The following SRGAP2 variants were observed in gnomAD, a reference collection of about 807,000 sequenced individuals.
SRGAP2 encodes SLIT-ROBO Rho GTPase activating protein 2.
A neutral mutation model predicts 57.2 loss-of-function variants in SRGAP2; 15 were observed. That is an observed-to-expected ratio of 0.26 (90% confidence interval 0.18 to 0.40). The LOEUF (loss-of-function observed/expected upper bound fraction) is 0.40. SRGAP2 is among the 10% of genes least tolerant of loss of function. The probability of loss-of-function intolerance (pLI) is 1.00; values close to 1 mark genes in which losing one functional copy is unlikely to be tolerated. For missense variants in SRGAP2, 520 were observed against 669.6 expected, an observed-to-expected ratio of 0.78 and a Z score of 2.47; for synonymous variants, 249 against 248.0, an observed-to-expected ratio of 1.00 and a Z score of -0.04.
At chr1:206,305,906 G>A (rs1395916235) in intron 3 of SRGAP2, among the ~76,000 whole-genome samples, 3 of 151,796 alleles carry the variant, frequency 2.0e-5, no homozygotes, top group African/African-American at 4.9e-5. Flanking sequence ...TCTTTCCCAA[G>A]TCTTATTCTC....
At chr1:206,375,929 A>G (rs2103040331) in intron 4 of SRGAP2, among the ~76,000 whole-genome samples, 1 of 151,064 alleles carries the variant, frequency 6.6e-6, no homozygotes, top group African/African-American at 2.4e-5. Flanking sequence ...CCGTAAGGAA[A>G]TGGCTTTCAG....
intron 21 of SRGAP2, chr1:206,455,646 C>G (rs1663769522): frequency 6.5e-6 from 1 of 153,410 alleles, no homozygotes. Context: ...TTCTTCTGCC[C>G]TTTCACACCA....
intron 17 of SRGAP2, among the ~76,000 whole-genome samples, chr1:206,441,937 A>G (rs1553372190): frequency 6.6e-6 from 1 of 152,234 alleles, no homozygotes. Context: ...CCATGAATCT[A>G]TCAGAGTAGG....
chr1:206,416,963 G>A (rs12746707), intron 11 of SRGAP2, among the ~76,000 whole-genome samples: 7,307 of 152,158 alleles, frequency 0.048, 445 homozygotes, highest in African/African-American at 0.14. Context: ...ATACTCCTTG[G>A]CTCATTGGCC....
intron 10 of SRGAP2, among the ~76,000 whole-genome samples, chr1:206,410,849 T>C (rs1404726761): frequency 6.6e-6 from 1 of 152,180 alleles, no homozygotes; most frequent in Non-Finnish European, 1.5e-5. Flanking sequence ...AAGGCTGGCA[T>C]TTTCCTAAGT....
chr1:206,363,931 T>C (rs2103000237), intron 4 of SRGAP2, among the ~76,000 whole-genome samples: 1 of 152,244 alleles, frequency 6.6e-6, no homozygotes, highest in African/African-American at 2.4e-5. Flanking sequence ...CTATTTCTCC[T>C]CATCTTTTGC....
At chr1:206,439,790 T>C (rs1285063795) in intron 16 of SRGAP2, among the ~76,000 whole-genome samples, 186 bp from the exon 17 acceptor site, 4 of 152,256 alleles carry the variant, frequency 2.6e-5, no homozygotes, top group African/African-American at 9.6e-5. Flanking sequence ...GCCCAGCAGG[T>C]GCCCTCTTCT....
rs113362319 is a variant in SRGAP2 at position 206,409,962 on chromosome 1, G to A, written c.1356+3388G>A. ...AAAAACACAAAAAAATTAGCTGGGC[G>A]TGGTGGCGCATGCCTGTAATCCCAG... On this transcript the variant is annotated intron_variant, in intron 10 of 22. Transcript: ENST00000573034. Among the ~76,000 whole-genome samples, 479 of 152,214 alleles carry A rather than the reference G, an allele frequency of 3.1e-3. 2 individuals carry two copies. Among genetic ancestry groups the A allele is most frequent in the African/African-American group, 0.011 (464 of 41,524 alleles).
intron 18 of SRGAP2, among the ~76,000 whole-genome samples, chr1:206,447,003 G>A (rs1662811687): frequency 6.6e-6 from 1 of 152,186 alleles, no homozygotes; most frequent in African/African-American, 2.4e-5. Flanking sequence ...AGAAAGGCCA[G>A]TGACAGTATT....
chr1:206,421,805 TC>T (rs2103250231), intron 13 of SRGAP2, among the ~76,000 whole-genome samples: 1 of 152,346 alleles, frequency 6.6e-6, no homozygotes, highest in Non-Finnish European at 1.5e-5. Context: ...TGGTGCATGA[TC>T]TTCAGTGTTG....
intron 10 of SRGAP2, among the ~76,000 whole-genome samples, chr1:206,410,569 CT>C (rs1439381862): frequency 1.3e-5 from 2 of 152,070 alleles, no homozygotes; most frequent in African/African-American, 4.8e-5. Flanking sequence ...ACTGACGTAT[CT>C]GTAAATACCC....
intron 17 of SRGAP2, among the ~76,000 whole-genome samples, chr1:206,443,173 T>C (rs1553372681): frequency 1.3e-5 from 2 of 152,194 alleles, no homozygotes; most frequent in African/African-American, 4.8e-5. Context: ...AACCTTTTTA[T>C]GAAGCACAAA....
At chr1:206,239,002 T>C (rs1668046856) in intron 2 of SRGAP2, among the ~76,000 whole-genome samples, 1 of 152,112 alleles carries the variant, frequency 6.6e-6, no homozygotes, top group African/African-American at 2.4e-5. Flanking sequence ...GGGAGCAGTG[T>C]TGATGGAAGT....
intron 3 of SRGAP2, among the ~76,000 whole-genome samples, chr1:206,306,999 A>G (rs1367874297): frequency 5.0e-4 from 67 of 133,170 alleles, no homozygotes; most frequent in African/African-American, 9.8e-4. Flanking sequence ...TGATTGGTGT[A>G]TTTACAAACC....
intron 17 of SRGAP2, among the ~76,000 whole-genome samples, chr1:206,445,025 A>G (rs1007603087): frequency 6.6e-6 from 1 of 152,226 alleles, no homozygotes; most frequent in Non-Finnish European, 1.5e-5. Flanking sequence ...CACTACAGAA[A>G]CAAACTCTGC....
chr1:206,453,893 A>T (rs868920839), intron 20 of SRGAP2: 1 of 465,692 alleles, frequency 2.1e-6, no homozygotes, highest in African/African-American at 2.0e-5. Context: ...TTTAACCGAG[A>T]TGAGGTTGAT....
chr1:206,370,788 G>A (rs1404869753), intron 4 of SRGAP2, among the ~76,000 whole-genome samples: 2 of 152,282 alleles, frequency 1.3e-5, no homozygotes, highest in South Asian at 2.1e-4. Context: ...ACAAATTTTA[G>A]TACAAAAAAT....
chr1:206,365,464 G>A (rs1234641186), intron 4 of SRGAP2, among the ~76,000 whole-genome samples: 1 of 152,040 alleles, frequency 6.6e-6, no homozygotes, highest in African/African-American at 2.4e-5. Flanking sequence ...CAGGCGGGAG[G>A]TCATGACAGT....
At chr1:206,444,207 G>A (rs1662555166) in intron 17 of SRGAP2, among the ~76,000 whole-genome samples, 1 of 151,620 alleles carries the variant, frequency 6.6e-6, no homozygotes. Flanking sequence ...CACTGCTTCA[G>A]CCCCTAAACT....
Sources: allele counts gnomAD v4.1 joint callset (sites outside exome capture counted in the v4.1 genomes callset), GRCh38; gene constraint gnomAD v4.1.1; transcripts MANE v1.5; gene names NCBI Gene and HGNC (gene_info 2026-07-23, HGNC 2026-07-21).